Variants in P2RY6 observed in about 807,000 individuals in gnomAD.
P2RY6 encodes P2Y purinoceptor 6.
A neutral mutation model predicts 16.3 loss-of-function variants in P2RY6; 19 were observed. That is an observed-to-expected ratio of 1.16 (90% CI 0.81 to 1.71). P2RY6 has a LOEUF of 1.71. Ranked by LOEUF, P2RY6 falls within the 40% of genes most tolerant of loss-of-function variation. The pLI, the probability that P2RY6 is intolerant of heterozygous loss-of-function variation, is 0.00. For missense variants in P2RY6, 389 were observed against 455.5 expected (o/e 0.85, Z 1.33); for synonymous variants, 184 against 201.5 (o/e 0.91, Z 0.74).
intron 1 of P2RY6, 25 bp from the exon 2 acceptor site, chr11:73,295,705 A>C: frequency 1.9e-3 from 1,511 of 812,604 alleles, no homozygotes; most frequent in Non-Finnish European, 2.0e-3. Flanking sequence ...GGAACTGGGT[A>C]TCACCTCCTT....
intron 1 of P2RY6, among the ~76,000 whole-genome samples, chr11:73,275,909 C>T (rs555099270): frequency 2.0e-5 from 3 of 152,206 alleles, no homozygotes; most frequent in South Asian, 2.1e-4. Context: ...ACACCAAGAG[C>T]GGTTAATACT....
intron 1 of P2RY6, among the ~76,000 whole-genome samples, chr11:73,292,606 C>T (rs965100950): frequency 6.6e-6 from 1 of 152,212 alleles, no homozygotes. Context: ...TCCTCCTCTG[C>T]CCCCATCCCC....
chr11:73,288,876 G>A (rs1032386462), intron 1 of P2RY6, among the ~76,000 whole-genome samples: 2 of 152,242 alleles, frequency 1.3e-5, no homozygotes, highest in African/African-American at 4.8e-5. Context: ...GACATCCTGT[G>A]CCCTTTCTGC....
upstream of P2RY6, chr11:73,272,235 G>A (rs1863342565): frequency 2.0e-6 from 1 of 490,024 alleles, no homozygotes; most frequent in Non-Finnish European, 2.7e-6. Context: ...GAGCTTCAGG[G>A]TTCTCGGGAT....
upstream of P2RY6, among the ~76,000 whole-genome samples, chr11:73,267,675 C>T (rs1483101941): frequency 2.0e-5 from 3 of 152,118 alleles, no homozygotes; most frequent in Admixed American, 1.3e-4. Context: ...GTGGAGAGCT[C>T]CAAAATTCAC....
intron 1 of P2RY6, among the ~76,000 whole-genome samples, chr11:73,285,067 G>T (rs1045641943): frequency 6.6e-6 from 1 of 152,166 alleles, no homozygotes; most frequent in South Asian, 2.1e-4. Flanking sequence ...ACCTGAGGGG[G>T]TCTGTCCTAC....
chr11:73,265,065 T>C (rs1025975337), intron 1 of P2RY6, among the ~76,000 whole-genome samples: 1 of 152,308 alleles, frequency 6.6e-6, no homozygotes, highest in East Asian at 1.9e-4. Flanking sequence ...GGCAGGGTGG[T>C]GCACTGGGTG....
At chr11:73,281,755 G>A (rs1007681166) in intron 1 of P2RY6, among the ~76,000 whole-genome samples, 3 of 152,312 alleles carry the variant, frequency 2.0e-5, no homozygotes, top group Middle Eastern at 3.4e-3. Context: ...CCCAGGAGCC[G>A]AATGTCTCTC....
At chr11:73,292,846 G>A (rs926222378) in intron 1 of P2RY6, 1 of 984,662 alleles carries the variant, frequency 1.0e-6, no homozygotes. Context: ...GGAGAGTGGG[G>A]AGCCTCAGGT....
At chr11:73,289,008 G>C (rs993168577) in intron 1 of P2RY6, among the ~76,000 whole-genome samples, 2 of 152,260 alleles carry the variant, frequency 1.3e-5, no homozygotes, top group African/African-American at 2.4e-5. Context: ...TCCTGCCTCA[G>C]CTGGCTGGCA....
chr11:73,282,253 C>T (rs1167660980), intron 1 of P2RY6, among the ~76,000 whole-genome samples: 1 of 152,188 alleles, frequency 6.6e-6, no homozygotes, highest in Non-Finnish European at 1.5e-5. Context: ...CTGAATCTAA[C>T]CACAACCAAT....
At chr11:73,274,891 A>G (rs1415140941) in intron 1 of P2RY6, among the ~76,000 whole-genome samples, 1 of 152,138 alleles carries the variant, frequency 6.6e-6, no homozygotes, top group Non-Finnish European at 1.5e-5. Context: ...ATAGGTTTCT[A>G]TTTCAGGCTG....
chr11:73,295,934 T>A, intron 2 of P2RY6, 119 bp downstream of exon 2: 1 of 206,096 alleles, frequency 4.9e-6, no homozygotes, highest in Non-Finnish European at 8.5e-6. Flanking sequence ...CAGGTCTCAG[T>A]CTCTGAGAGA....
chr11:73,297,234 G>T lies in P2RY6; in HGVS notation c.716G>T (p.Arg239Leu), dbSNP rs569014304. The T allele has an allele frequency of 2.1e-5, 34 of 1,603,624 alleles. No homozygotes were observed. The highest frequency in any genetic ancestry group is 1.1e-4 in the East Asian group (5 of 44,856). Reference sequence around the variant, plus strand: ...CAGGAGCGGCGTGGCAAGGCGGCCCGCATGGCCGTGGTGGTGGCTGCTGCC... The same window carrying T: ...CAGGAGCGGCGTGGCAAGGCGGCCCTCATGGCCGTGGTGGTGGCTGCTGCC... ...VAQERRGKAA[R>L]MAVVVAAAFA... The change falls in exon 3 of 3, where the codon CGC becomes CTC. Residue 239 changes from arginine (R) to leucine (L), a missense_variant. Coordinates refer to ENST00000540124, the MANE Select transcript of P2RY6 (RefSeq NM_001277204.2).
chr11:73,265,529 T>A (rs913222712), intron 1 of P2RY6: 1 of 151,930 alleles, frequency 6.6e-6, no homozygotes, highest in Non-Finnish European at 1.5e-5. Flanking sequence ...ATGTAAGAAC[T>A]TGGACTCAGC....
intron 1 of P2RY6, among the ~76,000 whole-genome samples, chr11:73,283,955 C>T (rs1863863334): frequency 6.6e-6 from 1 of 152,034 alleles, no homozygotes; most frequent in Admixed American, 6.6e-5. Flanking sequence ...TACCTGGAGT[C>T]CCGCGGGGCT....
At position 73,282,641 on chromosome 11, in the gene P2RY6, A is replaced by G. The variant is rs151266892; in HGVS notation, c.-121+10175A>G. Among the ~76,000 whole-genome samples the G allele has an allele frequency of 5.1e-4, 77 of 152,136 alleles. 1 individual carries two copies. The highest frequency in any genetic ancestry group is 1.6e-3 in the African/African-American group (67 of 41,458). On this transcript the variant is annotated intron_variant, in intron 1 of 2. Coordinates refer to ENST00000540124, the MANE Select transcript of P2RY6 (RefSeq NM_001277204.2). ...AGAGGCCTCCTTTGTCTTCCCAGAGACCCATGTTTCTACATCTTCATCTGT... is the reference window on the plus strand; with the variant it reads ...AGAGGCCTCCTTTGTCTTCCCAGAGGCCCATGTTTCTACATCTTCATCTGT...
At chr11:73,267,332 G>A in intron 1 of P2RY6, among the ~76,000 whole-genome samples, 1 of 152,176 alleles carries the variant, frequency 6.6e-6, no homozygotes, top group East Asian at 1.9e-4. Flanking sequence ...CTCTGGGGTG[G>A]ATGACAGTGA....
intron 1 of P2RY6, among the ~76,000 whole-genome samples, chr11:73,283,494 C>T (rs1483972733): frequency 6.6e-6 from 1 of 152,200 alleles, no homozygotes; most frequent in African/African-American, 2.4e-5. Flanking sequence ...AGCCCTGCAC[C>T]AGCCCTGGGT....
Sources: gnomAD v4.1 joint callset for allele counts (sites outside exome capture counted in the v4.1 genomes callset) on GRCh38, gnomAD v4.1.1 for gene constraint, MANE v1.5 for transcripts, NCBI Gene and HGNC (gene_info 2026-07-23, HGNC 2026-07-21) for gene names.